Variants in TBC1D5 observed in about 807,000 individuals in gnomAD.
TBC1D5 encodes the protein TBC1 domain family, member 5.
In TBC1D5, 75 loss-of-function variants were observed where a neutral mutation model predicts 100.3. The ratio of observed to expected loss-of-function variants is 0.75; its 90% CI spans 0.62 to 0.91. TBC1D5 has a LOEUF of 0.91. TBC1D5 is among the 40% of genes least tolerant of loss of function. The pLI is 0.00. For synonymous variants in TBC1D5, 323 were observed against 325.6 expected (o/e 0.99, Z 0.09); for missense variants, 910 against 942.4 (o/e 0.97, Z 0.45).
At position 17,421,719 on chromosome 3, in the gene TBC1D5, C is replaced by A. The variant is rs543285887; in HGVS notation, c.167+6731G>T. 3.4e-3 allele frequency among the ~76,000 whole-genome samples: 522 copies of A among 152,270 alleles called. 4 individuals are homozygous for A. The highest frequency in any genetic ancestry group is 0.011 in the African/African-American group (475 of 41,562). Reference sequence around the variant, plus strand: ...CTCAATAATACAGATGTTAACATTTCATTTTTATAGATGAGGTAATTAAGA... The same window carrying A: ...CTCAATAATACAGATGTTAACATTTAATTTTTATAGATGAGGTAATTAAGA... On this transcript the variant is annotated intron_variant, in intron 4 of 21. Transcript: ENST00000253692.
chr3:17,364,814 G>A (rs1442461961), intron 13 of TBC1D5, among the ~76,000 whole-genome samples: 1 of 151,994 alleles, frequency 6.6e-6, no homozygotes, highest in Non-Finnish European at 1.5e-5. Context: ...CTTATTAATA[G>A]CCAGGAATTT....
In TBC1D5 at chr3:17,204,074, A is replaced by G. The variant is rs143424970; in HGVS notation, c.1752+10133T>C. On this transcript the variant is annotated intron_variant, in intron 18 of 21. Coordinates refer to ENST00000253692, the Ensembl canonical transcript of TBC1D5. ...GCCATTCTTTCTGCAATGAAAGCCC[A>G]GTGGATTAAAAATATAACTTCCTGG... 1.6e-3 allele frequency among the ~76,000 whole-genome samples: 239 copies of G among 152,326 alleles called. 1 individual carries two copies. Among genetic ancestry groups the G allele is most frequent in the African/African-American group, 5.3e-3 (222 of 41,582 alleles).
chr3:17,623,405 G>A (rs893825337), intron 2 of TBC1D5, among the ~76,000 whole-genome samples: 2 of 151,978 alleles, frequency 1.3e-5, no homozygotes, highest in Non-Finnish European at 2.9e-5. Context: ...TTCTTCCATC[G>A]GAAAACAATT....
chr3:17,460,487 T>C (rs1282878405), intron 3 of TBC1D5, among the ~76,000 whole-genome samples: 1 of 152,174 alleles, frequency 6.6e-6, no homozygotes, highest in African/African-American at 2.4e-5. Flanking sequence ...ACAGGTTCAG[T>C]TTTCCTCTAA....
intron 13 of TBC1D5, among the ~76,000 whole-genome samples, chr3:17,354,420 T>C (rs2090992765): frequency 1.3e-5 from 2 of 152,112 alleles, no homozygotes; most frequent in African/African-American, 4.8e-5. Context: ...TTTAAATGCT[T>C]AATATAAGTA....
chr3:17,571,932 C>G (rs553113153), intron 2 of TBC1D5, among the ~76,000 whole-genome samples: 1 of 152,138 alleles, frequency 6.6e-6, no homozygotes, highest in East Asian at 1.9e-4. Context: ...CATGCAGCTC[C>G]CAGACAATGA....
At chr3:17,425,069 T>C (rs977222691) in intron 4 of TBC1D5, among the ~76,000 whole-genome samples, 1 of 152,232 alleles carries the variant, frequency 6.6e-6, no homozygotes, top group African/African-American at 2.4e-5. Flanking sequence ...TTTTTCCTTT[T>C]GGTATATTAG....
At chr3:17,475,100 T>G (rs2095422196) in intron 3 of TBC1D5, among the ~76,000 whole-genome samples, 2 of 152,124 alleles carry the variant, frequency 1.3e-5, no homozygotes. Flanking sequence ...CTTGTCTGAA[T>G]TTTTGGATAT....
intron 2 of TBC1D5, among the ~76,000 whole-genome samples, chr3:17,585,539 T>C (rs1482766853): frequency 6.6e-6 from 1 of 152,154 alleles, no homozygotes; most frequent in African/African-American, 2.4e-5. Flanking sequence ...TCTAAGTCAT[T>C]TGACAGCTTA....
chr3:17,161,384 A>C, intron 21 of TBC1D5, 128 bp from the exon 23 acceptor site: 1 of 1,072,040 alleles, frequency 9.3e-7, no homozygotes, highest in Admixed American at 2.7e-5. Context: ...TCGACCTTGA[A>C]AGACGCAGTG....
intron 17 of TBC1D5, among the ~76,000 whole-genome samples, chr3:17,236,674 C>A (rs1017457673): frequency 6.6e-6 from 1 of 151,940 alleles, no homozygotes; most frequent in African/African-American, 2.4e-5. Flanking sequence ...TTAGTAGACA[C>A]GGGGTTTCAC....
intron 20 of TBC1D5, 122 bp from the exon 22 acceptor site, chr3:17,167,050 T>A: frequency 1.0e-6 from 1 of 955,144 alleles, no homozygotes; most frequent in Non-Finnish European, 1.5e-6. Flanking sequence ...GTATGAATAT[T>A]AATATTTTAC....
chr3:17,475,605 T>A (rs1367248426), intron 3 of TBC1D5, among the ~76,000 whole-genome samples: 1 of 152,120 alleles, frequency 6.6e-6, no homozygotes, highest in African/African-American at 2.4e-5. Flanking sequence ...TGTTTAATTA[T>A]CTTCATTTCC....
At position 17,560,691 on chromosome 3, in the gene TBC1D5, G is replaced by A. The variant is rs192687714; in HGVS notation, c.-35-52086C>T. On this transcript the variant is annotated intron_variant, in intron 2 of 21. Coordinates refer to ENST00000253692, the Ensembl canonical transcript of TBC1D5. Reference sequence around the variant, plus strand: ...TAATCCCAGCACTTTGGGAGGCTGAGGCAGGTGGATCATGAGGTCAGGAGT... The same window carrying A: ...TAATCCCAGCACTTTGGGAGGCTGAAGCAGGTGGATCATGAGGTCAGGAGT... Among the ~76,000 whole-genome samples the A allele has an allele frequency of 3.4e-3, 517 of 151,982 alleles. 4 individuals are homozygous for A. The highest frequency in any genetic ancestry group is 0.012 in the African/African-American group (489 of 41,444).
Position 17,517,776 on chromosome 3 carries a change from T to A in TBC1D5, c.-35-9171A>T, listed in dbSNP as rs571192526. 3.5e-4 allele frequency among the ~76,000 whole-genome samples: 53 copies of A among 151,250 alleles called. 1 individual carries two copies. The highest frequency in any genetic ancestry group is 2.1e-3 in the Admixed American group (32 of 15,248). On this transcript the variant is annotated intron_variant, in intron 2 of 21. Transcript: ENST00000253692. ...AAACATGATATACTATATAACTAAC[T>A]GCATTTACTCCTATTTTGAAAGATG...
At chr3:17,380,514 C>T (rs1158846759) in intron 9 of TBC1D5, among the ~76,000 whole-genome samples, 1 of 151,908 alleles carries the variant, frequency 6.6e-6, no homozygotes, top group Non-Finnish European at 1.5e-5. Context: ...TTTGACAAAA[C>T]GTAATAGAAA....
At chr3:17,718,008 C>T (rs1229262986) in intron 1 of TBC1D5, among the ~76,000 whole-genome samples, 1 of 152,080 alleles carries the variant, frequency 6.6e-6, no homozygotes, top group Non-Finnish European at 1.5e-5. Flanking sequence ...GTGGTTTTTC[C>T]TTCCTCTTCT....
intron 1 of TBC1D5, among the ~76,000 whole-genome samples, chr3:17,690,607 A>G (rs2071004160): frequency 6.6e-6 from 1 of 152,208 alleles, no homozygotes; most frequent in African/African-American, 2.4e-5. Context: ...GCTGCTCCCC[A>G]TTGCTCACAT....
chr3:17,218,619 T>C (rs2073921270), intron 17 of TBC1D5, among the ~76,000 whole-genome samples: 1 of 152,016 alleles, frequency 6.6e-6, no homozygotes, highest in African/African-American at 2.4e-5. Context: ...TCTCAGTTTC[T>C]ATTTATCTGT....
Sources: allele counts gnomAD v4.1 joint callset (sites outside exome capture counted in the v4.1 genomes callset), GRCh38; gene constraint gnomAD v4.1.1; transcripts MANE v1.5; gene names NCBI Gene and HGNC (gene_info 2026-07-23, HGNC 2026-07-21).